HACL2: variants seen among roughly 807,000 people sequenced by gnomAD.
HACL2 encodes 2-hydroxyacyl-CoA lyase 2.
At chr19:15,123,241 TC>T in the HACL2 span, 3 of 1,613,636 alleles carry the variant, frequency 1.9e-6, no homozygotes, top group Non-Finnish European at 2.5e-6. The surrounding 1 kb of genome is among the most constrained non-coding windows in gnomAD (Gnocchi z 5.1). Context: ...ACGCCCACCG[TC>T]CCTGGAACAC....
chr19:15,117,601 C>A, the HACL2 span: 1 of 289,058 alleles, frequency 3.5e-6, no homozygotes, highest in Non-Finnish European at 6.6e-6. Flanking sequence ...TGCTTTTGAG[C>A]CTGGGAGTTT....
chr19:15,116,933 T>C, the HACL2 span: 126 of 187,048 alleles, frequency 6.7e-4, no homozygotes, highest in East Asian at 0.015. Flanking sequence ...GATGTATCTT[T>C]CACCACCCCA....
chr19:15,124,794 C>T, the HACL2 span: 5 of 1,246,882 alleles, frequency 4.0e-6, no homozygotes, highest in African/African-American at 7.6e-5. Flanking sequence ...TGGACAGAAC[C>T]TCTTACCAGT....
At chr19:15,118,569 C>G in the HACL2 span, among the ~76,000 whole-genome samples, 1 of 152,146 alleles carries the variant, frequency 6.6e-6, no homozygotes, top group African/African-American at 2.4e-5. Flanking sequence ...GAAGACACCT[C>G]CAGATGATTC....
At chr19:15,119,119 G>A in the HACL2 span, 81 of 1,517,850 alleles carry the variant, frequency 5.3e-5, no homozygotes, top group Non-Finnish European at 7.1e-5. Context: ...GTAACAGGGT[G>A]AGGGGGTTCC....
the HACL2 span, chr19:15,124,800 C>T: frequency 7.8e-7 from 1 of 1,284,954 alleles, no homozygotes; most frequent in Non-Finnish European, 1.1e-6. Flanking sequence ...GAACCTCTTA[C>T]CAGTCCCTCT....
the HACL2 span, chr19:15,116,532 G>A: frequency 1.2e-6 from 2 of 1,607,796 alleles, no homozygotes; most frequent in Non-Finnish European, 8.5e-7. Context: ...CCTGGGGAAG[G>A]AAGAGGACAC....
chr19:15,115,014 G>A, the HACL2 span: 3 of 594,184 alleles, frequency 5.0e-6, no homozygotes, highest in Middle Eastern at 4.5e-4. Flanking sequence ...GCCAGAGGTG[G>A]TTTATTCAGT....
the HACL2 span, chr19:15,115,372 G>A: frequency 4.1e-5 from 66 of 1,613,952 alleles, no homozygotes; most frequent in Non-Finnish European, 5.1e-5. Flanking sequence ...CCTGATCCTC[G>A]TTCTCCCGTG....
chr19:15,117,866 G>T, the HACL2 span: 4 of 1,613,794 alleles, frequency 2.5e-6, no homozygotes, highest in South Asian at 4.4e-5. Context: ...TGTACGGGGG[G>T]ATTAAGGGGC....
the HACL2 span, among the ~76,000 whole-genome samples, chr19:15,120,698 C>A: frequency 6.6e-6 from 1 of 152,206 alleles, no homozygotes; most frequent in Non-Finnish European, 1.5e-5. Flanking sequence ...GACACATGGG[C>A]ATTGGCAGGA....
At chr19:15,120,145 C>A in the HACL2 span, 1 of 1,099,422 alleles carries the variant, frequency 9.1e-7, no homozygotes, top group South Asian at 1.4e-5. Flanking sequence ...ATTCCAGGAT[C>A]TGAGCAAGGA....
chr19:15,121,038 G>A, the HACL2 span, among the ~76,000 whole-genome samples: 1 of 152,126 alleles, frequency 6.6e-6, no homozygotes, highest in Admixed American at 6.5e-5. Context: ...GGAAGCCAGG[G>A]GGCAAAGTGC....
At chr19:15,115,446 A>C in the HACL2 span, 1 of 1,611,714 alleles carries the variant, frequency 6.2e-7, no homozygotes, top group Non-Finnish European at 8.5e-7. Flanking sequence ...AGAAGAGATT[A>C]AGTCGGATAG....
chr19:15,121,812 C>CAA, the HACL2 span, among the ~76,000 whole-genome samples: 1,282 of 84,802 alleles, frequency 0.015, 29 homozygotes, highest in African/African-American at 0.043. Flanking sequence ...GAATCTGTTT[C>CAA]AAAAAAAAAA....
the HACL2 span, chr19:15,119,561 A>T: frequency 1.3e-6 from 2 of 1,519,590 alleles, no homozygotes; most frequent in Non-Finnish European, 1.8e-6. Flanking sequence ...TTATTTATTT[A>T]TTTTTTTGAG....
chr19:15,123,931 G>T, the HACL2 span: 1 of 278,122 alleles, frequency 3.6e-6, no homozygotes, highest in Non-Finnish European at 6.8e-6. This position sits in a 1 kb window ranked among gnomAD's most constrained non-coding sequence, Gnocchi z 5.1. Context: ...AACCCAGGGG[G>T]TTTGGCCAGG....
chr19:15,115,626 T>C, the HACL2 span: 2 of 1,613,722 alleles, frequency 1.2e-6, no homozygotes, highest in Non-Finnish European at 1.7e-6. Flanking sequence ...TCCCGAGAAA[T>C]CTGTGTCCAG....
the HACL2 span, chr19:15,125,360 C>G: frequency 4.7e-6 from 2 of 427,516 alleles, no homozygotes; most frequent in Non-Finnish European, 8.4e-6. Flanking sequence ...GACAGCACCA[C>G]ACAGTTATCT....
Sources: gnomAD v4.1 joint callset for allele counts (sites outside exome capture counted in the v4.1 genomes callset) on GRCh38, gnomAD v4.1.1 for gene constraint, Gnocchi (gnomAD v3.1) non-coding constraint, MANE v1.5 for transcripts, NCBI Gene and HGNC (gene_info 2026-07-23, HGNC 2026-07-21) for gene names.